Variants in GRM7 observed in about 807,000 individuals in gnomAD.
The protein encoded by GRM7 is metabotropic glutamate receptor 7.
GRM7 carries 35 observed loss-of-function variants against 84.5 expected under a neutral mutation model. The observed-to-expected ratio is 0.41, with a 90% confidence interval of 0.32 to 0.55. GRM7 has a LOEUF of 0.55. GRM7 is among the 20% of genes least tolerant of loss of function. GRM7 has a pLI of 0.19. For missense variants in GRM7, 1,003 were observed against 1,194.6 expected (o/e 0.84, Z 2.36); for synonymous variants, 487 against 455.1 (o/e 1.07, Z -0.89).
At chr3:7,229,371 T>C (rs983569701) in intron 2 of GRM7, among the ~76,000 whole-genome samples, 1 of 152,060 alleles carries the variant, frequency 6.6e-6, no homozygotes, top group Non-Finnish European at 1.5e-5. Flanking sequence ...GCTCTTTTAT[T>C]ATTTCCTTAT....
At chr3:7,542,051 T>A (rs1206254576) in intron 7 of GRM7, among the ~76,000 whole-genome samples, 1 of 152,148 alleles carries the variant, frequency 6.6e-6, no homozygotes, top group Non-Finnish European at 1.5e-5. Context: ...TGTCTCTTTG[T>A]CTCTATTTTC....
intron 5 of GRM7, among the ~76,000 whole-genome samples, chr3:7,419,772 C>T (rs1210751523): frequency 6.6e-6 from 1 of 152,168 alleles, no homozygotes; most frequent in Admixed American, 6.5e-5. Flanking sequence ...ACAAATCCAT[C>T]ATCTGATGAT....
intron 4 of GRM7, among the ~76,000 whole-genome samples, chr3:7,347,207 TAG>T (rs1452391746): frequency 1.3e-5 from 2 of 152,214 alleles, no homozygotes; most frequent in African/African-American, 4.8e-5. Flanking sequence ...GAAATTTAAA[TAG>T]AGTGTTGTTA....
intron 4 of GRM7, among the ~76,000 whole-genome samples, chr3:7,345,962 A>G (rs9311987): frequency 0.38 from 57,735 of 151,966 alleles, 11,149 homozygotes; most frequent in South Asian, 0.45. Flanking sequence ...ATACAGAAAA[A>G]TAATCATAAA....
intron 1 of GRM7, among the ~76,000 whole-genome samples, chr3:6,995,833 T>G (rs1694806172): frequency 6.6e-6 from 1 of 152,200 alleles, no homozygotes; most frequent in East Asian, 1.9e-4. Context: ...TGGGAAGAAG[T>G]TTCCTGACTT....
chr3:7,344,345 T>C (rs755820343), intron 4 of GRM7, among the ~76,000 whole-genome samples: 25 of 152,178 alleles, frequency 1.6e-4, no homozygotes, highest in Non-Finnish European at 2.5e-4. Context: ...ACATGCAGCA[T>C]TTGGTTTTCT....
chr3:6,945,777 T>A (rs964591775), intron 1 of GRM7, among the ~76,000 whole-genome samples: 4 of 152,204 alleles, frequency 2.6e-5, no homozygotes, highest in Admixed American at 6.5e-5. Context: ...AGATGGTACC[T>A]CATTGTGGTT....
intron 7 of GRM7, among the ~76,000 whole-genome samples, chr3:7,565,252 T>C (rs1279896864): frequency 6.6e-6 from 1 of 152,198 alleles, no homozygotes; most frequent in Non-Finnish European, 1.5e-5. Flanking sequence ...CTTGACACCA[T>C]CATTTATCCA....
At chr3:7,079,681 G>T (rs945303409) in intron 1 of GRM7, among the ~76,000 whole-genome samples, 1 of 152,156 alleles carries the variant, frequency 6.6e-6, no homozygotes, top group African/African-American at 2.4e-5. Flanking sequence ...GGATAAGGGT[G>T]AGTTTACCTG....
intron 4 of GRM7, among the ~76,000 whole-genome samples, chr3:7,393,613 C>G (rs1695091241): frequency 6.6e-6 from 1 of 152,192 alleles, no homozygotes; most frequent in Non-Finnish European, 1.5e-5. Context: ...TACTTATATT[C>G]TGGCTGTTTT....
chr3:7,247,543 G>A (rs1232052141), intron 2 of GRM7, among the ~76,000 whole-genome samples: 2 of 147,914 alleles, frequency 1.4e-5, no homozygotes, highest in Non-Finnish European at 3.0e-5. Context: ...AGGCTGCAAT[G>A]AGCTATGATT....
In GRM7 at chr3:6,885,754, G is replaced by A. The variant is rs113665820; in HGVS notation, c.519+23847G>A. Reference sequence around the variant, plus strand: ...TTCTGTGTTTACCCCACAAATGCCCGCAGGGGCTCTGAAGTTTTGTAGCAG... The same window carrying A: ...TTCTGTGTTTACCCCACAAATGCCCACAGGGGCTCTGAAGTTTTGTAGCAG... On this transcript the variant is annotated intron_variant, in intron 1 of 9. Coordinates refer to ENST00000357716, the MANE Select transcript of GRM7 (RefSeq NM_000844.4). Among the ~76,000 whole-genome samples the A allele has an allele frequency of 9.4e-3, 1,428 of 152,320 alleles. 26 individuals carry two copies. Among genetic ancestry groups the A allele is most frequent in the African/African-American group, 0.032 (1,341 of 41,580 alleles).
chr3:7,370,197 C>T (rs1694073103), intron 4 of GRM7, among the ~76,000 whole-genome samples: 1 of 152,164 alleles, frequency 6.6e-6, no homozygotes. Flanking sequence ...ATAAATGATA[C>T]TGAGAATTTT....
intron 7 of GRM7, among the ~76,000 whole-genome samples, chr3:7,529,854 CTGT>C (rs536908211): frequency 3.3e-5 from 5 of 150,780 alleles, no homozygotes; most frequent in South Asian, 2.1e-4. Context: ...AACAAATAAG[CTGT>C]TGTTGTTGTT....
At chr3:7,697,156 A>G (rs1230642734) in intron 9 of GRM7, among the ~76,000 whole-genome samples, 1 of 152,236 alleles carries the variant, frequency 6.6e-6, no homozygotes, top group Non-Finnish European at 1.5e-5. Context: ...TCTTCTCAAT[A>G]AAATAGCATC....
intron 8 of GRM7, among the ~76,000 whole-genome samples, chr3:7,583,287 T>C (rs1872400): frequency 0.58 from 87,907 of 152,036 alleles, 25,600 homozygotes; most frequent in African/African-American, 0.61. Context: ...CGACCAAGAA[T>C]TTTTGATCTT....
intron 4 of GRM7, among the ~76,000 whole-genome samples, chr3:7,384,428 T>C (rs1694706591): frequency 6.6e-6 from 1 of 152,196 alleles, no homozygotes; most frequent in Non-Finnish European, 1.5e-5. Flanking sequence ...ATTGTTGAAG[T>C]TTGTGCCAAT....
At position 7,456,350 on chromosome 3, in the gene GRM7, A is replaced by G. The variant is rs75475096; in HGVS notation, c.1375+3543A>G. On this transcript the variant is annotated intron_variant, in intron 6 of 9. Coordinates refer to ENST00000357716, the MANE Select transcript of GRM7 (RefSeq NM_000844.4). ...TGAGCTATCCATAGGGCTTATGTTTATTAAGTGGTTATTGTGTGCCAGAAA... is the reference window on the plus strand; with the variant it reads ...TGAGCTATCCATAGGGCTTATGTTTGTTAAGTGGTTATTGTGTGCCAGAAA... Among the ~76,000 whole-genome samples, 1,024 of 152,138 alleles carry G rather than the reference A, an allele frequency of 6.7e-3. 9 individuals carry two copies. Among genetic ancestry groups the G allele is most frequent in the Non-Finnish European group, 0.011 (741 of 67,986 alleles).
At chr3:7,157,767 T>C (rs1694500616) in intron 2 of GRM7, among the ~76,000 whole-genome samples, 1 of 152,062 alleles carries the variant, frequency 6.6e-6, no homozygotes, top group East Asian at 1.9e-4. Flanking sequence ...CTGTGGATTT[T>C]TGATAATGGC....
Sources: allele counts gnomAD v4.1 joint callset (sites outside exome capture counted in the v4.1 genomes callset), GRCh38; gene constraint gnomAD v4.1.1; transcripts MANE v1.5; gene names NCBI Gene and HGNC (gene_info 2026-07-23, HGNC 2026-07-21).